Variants in CHRDL2 observed in about 807,000 individuals in gnomAD.
CHRDL2 encodes the protein chordin-like protein 2.
In CHRDL2, 41 loss-of-function variants were observed where a neutral mutation model predicts 54.3. The observed-to-expected ratio is 0.76, with a 90% CI of 0.59 to 0.98. The LOEUF (loss-of-function observed/expected upper bound fraction) is 0.98. Among genes scored for constraint, CHRDL2 ranks in the 50% least tolerant of loss-of-function variants. The pLI is 0.00. For synonymous variants in CHRDL2, 220 were observed against 224.3 expected (o/e 0.98, Z 0.17); for missense variants, 518 against 562.4 (o/e 0.92, Z 0.80).
intron 1 of CHRDL2, among the ~76,000 whole-genome samples, chr11:74,721,150 G>T (rs1055820545): frequency 4.2e-5 from 6 of 144,208 alleles, no homozygotes; most frequent in Non-Finnish European, 9.5e-5. Context: ...CTGGCAGAGA[G>T]GGTGGGACAC....
At chr11:74,707,057 T>A (rs1177005412) in intron 5 of CHRDL2, among the ~76,000 whole-genome samples, 1 of 152,080 alleles carries the variant, frequency 6.6e-6, no homozygotes, top group Admixed American at 6.5e-5. Context: ...CAGTCCCTAT[T>A]CCCCTGGGAA....
chr11:74,702,354 T>A (rs1723101412), intron 9 of CHRDL2, among the ~76,000 whole-genome samples: 1 of 152,052 alleles, frequency 6.6e-6, no homozygotes, highest in Non-Finnish European at 1.5e-5. Context: ...GAACTGTGGT[T>A]CTGATGTCCA....
At chr11:74,697,694 G>A in intron 9 of CHRDL2, 1 of 445,016 alleles carries the variant, frequency 2.2e-6, no homozygotes, top group Non-Finnish European at 4.5e-6. Context: ...CCTGTCACCT[G>A]CACCATCCTG....
At chr11:74,722,514 G>C (rs542066540) in intron 1 of CHRDL2, among the ~76,000 whole-genome samples, 14 of 151,992 alleles carry the variant, frequency 9.2e-5, no homozygotes, top group African/African-American at 3.4e-4. Flanking sequence ...AATATGCCTA[G>C]TGCCTGACAT....
chr11:74,717,011 CT>C (rs1422656673), intron 2 of CHRDL2, among the ~76,000 whole-genome samples: 1 of 152,066 alleles, frequency 6.6e-6, no homozygotes, highest in Non-Finnish European at 1.5e-5. Flanking sequence ...GGAGGATTGT[CT>C]GAGCCTGGGA....
chr11:74,726,363 G>A (rs1022617688), intron 1 of CHRDL2, among the ~76,000 whole-genome samples: 1 of 152,178 alleles, frequency 6.6e-6, no homozygotes, highest in Non-Finnish European at 1.5e-5. Context: ...AATGCCAGTC[G>A]TCAGATGTGG....
At chr11:74,702,446 G>T (rs982505119) in intron 9 of CHRDL2, among the ~76,000 whole-genome samples, 1 of 152,142 alleles carries the variant, frequency 6.6e-6, no homozygotes, top group East Asian at 1.9e-4. Flanking sequence ...TGAGGATGCT[G>T]TGAGGGCCCT....
intron 2 of CHRDL2, among the ~76,000 whole-genome samples, chr11:74,716,676 C>CT (rs936201859): frequency 8.0e-5 from 12 of 149,228 alleles, no homozygotes; most frequent in Non-Finnish European, 8.9e-5. Context: ...TCTTTTCTCT[C>CT]TTTTTTTCCC....
Position 74,713,455 on chromosome 11 carries a change from G to A in CHRDL2, c.220C>T (p.Leu74Phe), listed in dbSNP as rs2135260790. Residue 74 changes from leucine to phenylalanine, a missense_variant, in exon 3 of 11, where the codon CTC becomes TTC. Transcript: ENST00000376332. ...SEGAHVSCYRLHCPPVHCPQP... is the reference protein window; with the variant it reads ...SEGAHVSCYRFHCPPVHCPQP... Reference sequence around the variant, plus strand: ...GGGCAGTGGACAGGCGGACAGTGGAGGCGGTAACAACTCACATGGGCGCCC... The same window carrying A: ...GGGCAGTGGACAGGCGGACAGTGGAAGCGGTAACAACTCACATGGGCGCCC... 1 of 1,614,192 alleles carries A rather than the reference G, an allele frequency of 6.2e-7. No homozygotes were observed. The highest frequency in any genetic ancestry group is 8.5e-7 in the Non-Finnish European group (1 of 1,180,024).
chr11:74,713,333 A>G (rs1355057337), intron 3 of CHRDL2, 53 bp downstream of exon 3: 3 of 1,503,272 alleles, frequency 2.0e-6, no homozygotes, highest in African/African-American at 2.7e-5. Flanking sequence ...AGAGGGCTAC[A>G]CTGGGAGTAG....
In CHRDL2 at chr11:74,706,523, C is replaced by CG; in HGVS notation, c.545dup (p.Asp183GlyfsTer2). Reference sequence around the variant, plus strand: ...GCGACTGCACACTGTCCTCTTCATCCGATTGCTCACTTGCCTCATCTGAAA... The same window carrying CG: ...GCGACTGCACACTGTCCTCTTCATCCGGATTGCTCACTTGCCTCATCTGAAA... On this transcript the variant is annotated frameshift_variant, in exon 6 of 11. Transcript: ENST00000376332. LOFTEE classifies it high-confidence loss of function. 1 of 1,614,112 alleles carries CG rather than the reference C, an allele frequency of 6.2e-7. No homozygotes were observed. The highest frequency in any genetic ancestry group is 1.1e-5 in the South Asian group (1 of 91,074).
chr11:74,720,922 G>T (rs1266925876), intron 1 of CHRDL2, among the ~76,000 whole-genome samples: 1 of 152,192 alleles, frequency 6.6e-6, no homozygotes, highest in African/African-American at 2.4e-5. Context: ...GCCCTCTTGG[G>T]CCTCCTAGAA....
intron 4 of CHRDL2, among the ~76,000 whole-genome samples, chr11:74,710,263 T>C (rs138907993): frequency 1.6e-3 from 233 of 149,474 alleles, no homozygotes; most frequent in Admixed American, 5.6e-3. Flanking sequence ...TGCAAACCTA[T>C]AGGAAGGCCA....
At chr11:74,718,085 G>C (rs1178880953) in intron 2 of CHRDL2, among the ~76,000 whole-genome samples, 1 of 152,174 alleles carries the variant, frequency 6.6e-6, no homozygotes, top group Non-Finnish European at 1.5e-5. Flanking sequence ...TCTACCCCAG[G>C]TGGCTCAGCC....
At chr11:74,711,273 C>T (rs1053424477) in intron 3 of CHRDL2, among the ~76,000 whole-genome samples, 3 of 152,192 alleles carry the variant, frequency 2.0e-5, no homozygotes, top group African/African-American at 2.4e-5. Flanking sequence ...AAGGTAAAGC[C>T]GGCAGCCTCA....
chr11:74,706,099 G>GT (rs1313649222), intron 6 of CHRDL2, among the ~76,000 whole-genome samples: 1 of 152,104 alleles, frequency 6.6e-6, no homozygotes, highest in East Asian at 1.9e-4. Flanking sequence ...TAAAGAGCCA[G>GT]TACCTCAGGA....
chr11:74,703,249 G>C (rs2033888821), intron 8 of CHRDL2, 56 bp downstream of exon 8: 2 of 1,517,234 alleles, frequency 1.3e-6, no homozygotes, highest in Non-Finnish European at 1.8e-6. Context: ...CCTGGGGAGA[G>C]AGACCCAGGG....
At chr11:74,706,661 C>T (rs1246765311) in intron 5 of CHRDL2, 119 bp from the exon 6 acceptor site, 1 of 875,802 alleles carries the variant, frequency 1.1e-6, no homozygotes, top group Non-Finnish European at 1.9e-6. Flanking sequence ...CATCTGCAGC[C>T]CCAGCCCACT....
At chr11:74,698,712 CA>C (rs1261851328) in intron 9 of CHRDL2, 55 of 153,640 alleles carry the variant, frequency 3.6e-4, no homozygotes, top group South Asian at 6.2e-4. Flanking sequence ...CACACACACA[CA>C]CACACACACC....
Sources: allele counts gnomAD v4.1 joint callset (sites outside exome capture counted in the v4.1 genomes callset), GRCh38; gene constraint gnomAD v4.1.1; transcripts MANE v1.5; gene names NCBI Gene and HGNC (gene_info 2026-07-23, HGNC 2026-07-21).